Variants in NEK10 observed in about 807,000 individuals in gnomAD.
NEK10 encodes serine/threonine-protein kinase Nek10.
In NEK10, 122 loss-of-function variants were observed where a neutral mutation model predicts 159.8. The ratio of observed to expected loss-of-function variants is 0.76; its 90% CI spans 0.66 to 0.89. The LOEUF (loss-of-function observed/expected upper bound fraction) is 0.89, where lower values mean the gene tolerates loss of function less well. NEK10 is among the 40% of genes least tolerant of loss of function. The pLI, the probability that NEK10 is intolerant of heterozygous loss-of-function variation, is 0.00. For synonymous variants in NEK10, 466 were observed against 457.1 expected (o/e 1.02, Z -0.25); for missense variants, 1,342 against 1,323.1 (o/e 1.01, Z -0.22).
At chr3:27,178,532 A>G (rs1052763068) in intron 26 of NEK10, among the ~76,000 whole-genome samples, 4 of 152,206 alleles carry the variant, frequency 2.6e-5, no homozygotes, top group Admixed American at 6.5e-5. Context: ...AAATATCTCA[A>G]TTTAGTGCTA....
At chr3:27,139,135 C>T (rs1295251236) in intron 31 of NEK10, among the ~76,000 whole-genome samples, 1 of 151,950 alleles carries the variant, frequency 6.6e-6, no homozygotes, top group Non-Finnish European at 1.5e-5. Context: ...GATGAAGTCA[C>T]ATGTTATCAA....
At chr3:27,234,010 G>GA (rs999263305) in intron 23 of NEK10, among the ~76,000 whole-genome samples, 18 of 151,312 alleles carry the variant, frequency 1.2e-4, no homozygotes, top group Admixed American at 7.2e-4. Context: ...GAGAACTAAA[G>GA]AAAAAAAACA....
chr3:27,305,328 G>A (rs555629069), intron 11 of NEK10, among the ~76,000 whole-genome samples: 2 of 152,226 alleles, frequency 1.3e-5, no homozygotes, highest in East Asian at 3.9e-4. Context: ...CTAAATTATA[G>A]GCTCGTTGCA....
chr3:27,193,245 C>T (rs532848055), intron 25 of NEK10, among the ~76,000 whole-genome samples: 39 of 152,306 alleles, frequency 2.6e-4, no homozygotes, highest in African/African-American at 8.9e-4. Flanking sequence ...TGTAATCCCA[C>T]AGCTATTTGG....
chr3:27,345,964 A>T, intron 4 of NEK10, 122 bp downstream of exon 4: 1 of 778,598 alleles, frequency 1.3e-6, no homozygotes, highest in Non-Finnish European at 1.9e-6. Context: ...ATATTAAATT[A>T]AGAATCGCTA....
chr3:27,257,084 T>A (rs1956279111), intron 22 of NEK10, among the ~76,000 whole-genome samples: 1 of 151,970 alleles, frequency 6.6e-6, no homozygotes, highest in Non-Finnish European at 1.5e-5. Context: ...CCCGGCTAAT[T>A]TTTGTAGTTT....
At chr3:27,168,522 G>T (rs1946678695) in intron 29 of NEK10, among the ~76,000 whole-genome samples, 3 of 152,112 alleles carry the variant, frequency 2.0e-5, no homozygotes, top group African/African-American at 7.2e-5. Context: ...TTAATTCAGA[G>T]AAGCCCCAGG....
At chr3:27,246,301 A>G (rs1438467976) in intron 23 of NEK10, among the ~76,000 whole-genome samples, 1 of 152,166 alleles carries the variant, frequency 6.6e-6, no homozygotes, top group East Asian at 1.9e-4. Flanking sequence ...GGTTTGTTGC[A>G]GATTATTTTG....
Position 27,303,339 on chromosome 3 carries a change from A to G in NEK10, c.1028+1408T>C, listed in dbSNP as rs77278119. On this transcript the variant is annotated intron_variant, in intron 12 of 35. Coordinates refer to ENST00000691995, the MANE Select transcript of NEK10 (RefSeq NM_001394966.1). ...TTTGTCTTTGAAATTCTGCTTAACT[A>G]TTACAGAATTTCATTTTATCCTTAT... 8.8e-3 allele frequency among the ~76,000 whole-genome samples: 1,336 copies of G among 152,288 alleles called. 12 individuals carry two copies. Among genetic ancestry groups the G allele is most frequent in the African/African-American group, 0.03 (1,246 of 41,570 alleles).
intron 30 of NEK10, among the ~76,000 whole-genome samples, chr3:27,158,429 G>C (rs998588135): frequency 6.6e-6 from 1 of 152,056 alleles, no homozygotes; most frequent in African/African-American, 2.4e-5. Flanking sequence ...AAAGTTGTTC[G>C]TATAAGGACA....
intron 23 of NEK10, among the ~76,000 whole-genome samples, chr3:27,223,800 A>G (rs1348705000): frequency 6.6e-6 from 1 of 152,252 alleles, no homozygotes; most frequent in Non-Finnish European, 1.5e-5. Context: ...CTCCAGAAAC[A>G]TATTTGGGTT....
At chr3:27,294,104 C>G (rs1199727367) in intron 15 of NEK10, among the ~76,000 whole-genome samples, 1 of 152,198 alleles carries the variant, frequency 6.6e-6, no homozygotes, top group African/African-American at 2.4e-5. Context: ...ACACTGGATT[C>G]AAACTTGACA....
intron 32 of NEK10, among the ~76,000 whole-genome samples, chr3:27,127,633 C>T (rs1446359082): frequency 1.3e-5 from 2 of 152,164 alleles, no homozygotes; most frequent in Admixed American, 6.5e-5. Context: ...TGTGGGACCA[C>T]TGTCATATAT....
chr3:27,198,110 T>C (rs947458385), intron 25 of NEK10, among the ~76,000 whole-genome samples: 4 of 152,030 alleles, frequency 2.6e-5, no homozygotes, highest in Non-Finnish European at 5.9e-5. Flanking sequence ...TAGAAAACAC[T>C]GCTCAAAGAA....
intron 31 of NEK10, among the ~76,000 whole-genome samples, chr3:27,140,047 A>G (rs937714715): frequency 3.3e-5 from 5 of 152,162 alleles, no homozygotes; most frequent in African/African-American, 9.7e-5. Flanking sequence ...CATCTTCCAT[A>G]AAGGGCAGCA....
intron 13 of NEK10, among the ~76,000 whole-genome samples, chr3:27,300,803 C>A (rs1439207709): frequency 2.0e-5 from 3 of 152,230 alleles, no homozygotes; most frequent in Non-Finnish European, 2.9e-5. Context: ...ACCCCCAGCA[C>A]AAGACCTTGT....
intron 26 of NEK10, among the ~76,000 whole-genome samples, chr3:27,178,127 G>GT (rs1947711861): frequency 6.6e-6 from 1 of 152,134 alleles, no homozygotes; most frequent in Admixed American, 6.5e-5. Flanking sequence ...GATGCTTCCT[G>GT]TCACCACGCT....
At chr3:27,159,114 G>C (rs781236628) in intron 30 of NEK10, among the ~76,000 whole-genome samples, 8 of 152,118 alleles carry the variant, frequency 5.3e-5, no homozygotes, top group Non-Finnish European at 1.0e-4. Flanking sequence ...AAATAGTCCA[G>C]TAGGAAACGT....
At chr3:27,286,376 G>A (rs796375340) in intron 20 of NEK10, among the ~76,000 whole-genome samples, 2 of 150,180 alleles carry the variant, frequency 1.3e-5, no homozygotes, top group African/African-American at 2.5e-5. Context: ...GTGAGCCACC[G>A]CGCCCAGCCT....
Sources: gnomAD v4.1 joint callset for allele counts (sites outside exome capture counted in the v4.1 genomes callset) on GRCh38, gnomAD v4.1.1 for gene constraint, MANE v1.5 for transcripts, NCBI Gene and HGNC (gene_info 2026-07-23, HGNC 2026-07-21) for gene names.